The following ABTB3 variants were observed in gnomAD, a reference collection of about 807,000 sequenced individuals.
ABTB3 encodes the protein ankyrin repeat and BTB domain containing 3.
At chr12:107,342,128 C>T in the ABTB3 span, among the ~76,000 whole-genome samples, 1 of 152,148 alleles carries the variant, frequency 6.6e-6, no homozygotes, top group Non-Finnish European at 1.5e-5. Context: ...TTTTTGACTT[C>T]TTGGTGACAG....
chr12:107,435,971 G>A, the ABTB3 span, among the ~76,000 whole-genome samples: 1 of 152,296 alleles, frequency 6.6e-6, no homozygotes, highest in Non-Finnish European at 1.5e-5. Flanking sequence ...TTAAAATTTT[G>A]AATAATTTAA....
chr12:107,588,071 T>A, the ABTB3 span, among the ~76,000 whole-genome samples: 1 of 152,182 alleles, frequency 6.6e-6, no homozygotes, highest in Non-Finnish European at 1.5e-5. Flanking sequence ...TGTGGCAGCA[T>A]CACTCCAATC....
At chr12:107,364,275 CTTTTCTTTTTTCTT>C in the ABTB3 span, among the ~76,000 whole-genome samples, 1 of 151,866 alleles carries the variant, frequency 6.6e-6, no homozygotes, top group Non-Finnish European at 1.5e-5. Flanking sequence ...CTCTCAAATA[CTTTTCTTTTTTCTT>C]TTTTCTTTTT....
At chr12:107,626,276 T>A in the ABTB3 span, among the ~76,000 whole-genome samples, 1 of 152,016 alleles carries the variant, frequency 6.6e-6, no homozygotes, top group East Asian at 1.9e-4. Flanking sequence ...GTCTATTACA[T>A]CTTCCCGAAG....
the ABTB3 span, among the ~76,000 whole-genome samples, chr12:107,416,440 G>T: frequency 3.2e-3 from 491 of 152,304 alleles, 2 homozygotes; most frequent in African/African-American, 0.011. Flanking sequence ...GGGGAAAGCA[G>T]AAAGGAGGAT....
chr12:107,560,254 T>C, the ABTB3 span, among the ~76,000 whole-genome samples: 1 of 152,170 alleles, frequency 6.6e-6, no homozygotes, highest in African/African-American at 2.4e-5. Flanking sequence ...CTACCCACAG[T>C]GGTGTGACTA....
the ABTB3 span, among the ~76,000 whole-genome samples, chr12:107,599,010 A>G: frequency 6.6e-6 from 1 of 152,192 alleles, no homozygotes; most frequent in African/African-American, 2.4e-5. Context: ...CCAGTCAACC[A>G]TAGCTGTGAA....
At chr12:107,505,073 T>G in the ABTB3 span, among the ~76,000 whole-genome samples, 1 of 152,196 alleles carries the variant, frequency 6.6e-6, no homozygotes, top group Admixed American at 6.5e-5. Flanking sequence ...GCTACATTTA[T>G]TTCAGGGAAC....
chr12:107,535,876 A>G, the ABTB3 span, among the ~76,000 whole-genome samples: 6 of 152,288 alleles, frequency 3.9e-5, no homozygotes, highest in South Asian at 1.2e-3. Context: ...CACCAATGAC[A>G]TTCTTCAAAG....
chr12:107,407,755 C>T, the ABTB3 span, among the ~76,000 whole-genome samples: 1 of 152,142 alleles, frequency 6.6e-6, no homozygotes, highest in Admixed American at 6.5e-5. Flanking sequence ...ATCTATTGGG[C>T]CTCCTGAGAA....
the ABTB3 span, among the ~76,000 whole-genome samples, chr12:107,365,432 A>G: frequency 6.6e-6 from 1 of 152,286 alleles, no homozygotes; most frequent in East Asian, 1.9e-4. Flanking sequence ...ACAAAAAAAT[A>G]GGTGTTTTCC....
At chr12:107,396,539 T>G in the ABTB3 span, among the ~76,000 whole-genome samples, 851 of 152,150 alleles carry the variant, frequency 5.6e-3, 9 homozygotes, top group African/African-American at 0.017. Flanking sequence ...AAACCCAATC[T>G]GTGCCCTCAG....
the ABTB3 span, among the ~76,000 whole-genome samples, chr12:107,415,484 G>A: frequency 7.9e-3 from 1,205 of 152,000 alleles, 27 homozygotes; most frequent in African/African-American, 0.027. Context: ...CGAGGTGGGC[G>A]GATCACAAGG....
chr12:107,657,553 T>C, the ABTB3 span: 8 of 1,614,222 alleles, frequency 5.0e-6, no homozygotes, highest in Non-Finnish European at 6.8e-6. Context: ...AAGGCTACTT[T>C]CTCAAAAACA....
At chr12:107,526,982 T>C in the ABTB3 span, among the ~76,000 whole-genome samples, 1 of 152,270 alleles carries the variant, frequency 6.6e-6, no homozygotes, top group East Asian at 1.9e-4. Flanking sequence ...ATTCCACTCA[T>C]GCCCCTACCA....
At chr12:107,391,803 C>A in the ABTB3 span, among the ~76,000 whole-genome samples, 1 of 152,120 alleles carries the variant, frequency 6.6e-6, no homozygotes, top group African/African-American at 2.4e-5. Context: ...TTCATAGAGG[C>A]CTCTGAGGCT....
chr12:107,324,403 A>G, the ABTB3 span, among the ~76,000 whole-genome samples: 2 of 152,180 alleles, frequency 1.3e-5, no homozygotes, highest in Non-Finnish European at 2.9e-5. Context: ...CTGAGGCAGG[A>G]AGATTGCTTG....
chr12:107,612,991 T>G, the ABTB3 span: 2 of 886,882 alleles, frequency 2.3e-6, no homozygotes, highest in Non-Finnish European at 3.4e-6. Flanking sequence ...CAGATAGCTC[T>G]TTCCTGTGTC....
At chr12:107,496,747 T>C in the ABTB3 span, among the ~76,000 whole-genome samples, 1 of 152,188 alleles carries the variant, frequency 6.6e-6, no homozygotes, top group African/African-American at 2.4e-5. Context: ...GATGCTGTTA[T>C]CATCCCCACT....
Sources: allele counts gnomAD v4.1 joint callset (sites outside exome capture counted in the v4.1 genomes callset), GRCh38; gene constraint gnomAD v4.1.1; transcripts MANE v1.5; gene names NCBI Gene and HGNC (gene_info 2026-07-23, HGNC 2026-07-21).